PLCXD3: variants seen among roughly 807,000 people sequenced by gnomAD.
PLCXD3 encodes phosphatidylinositol specific phospholipase C X domain containing 3, also known as PI-PLC X domain-containing protein 3.
Under a neutral mutation model 25.5 loss-of-function variants are expected in PLCXD3, and 19 were observed. The observed-to-expected ratio is 0.75, with a 90% CI of 0.52 to 1.09. The LOEUF (loss-of-function observed/expected upper bound fraction) is 1.09, where lower values mean the gene tolerates loss of function less well. Among genes scored for constraint, PLCXD3 ranks in the 50% least tolerant of loss-of-function variants. The pLI, the probability that PLCXD3 is intolerant of heterozygous loss-of-function variation, is 0.00. For synonymous variants in PLCXD3, 174 were observed against 137.6 expected (o/e 1.26, Z -1.85); for missense variants, 411 against 388.1 (o/e 1.06, Z -0.50).
chr5:41,508,660 A>T (rs1342751984), intron 1 of PLCXD3, among the ~76,000 whole-genome samples: 1 of 152,266 alleles, frequency 6.6e-6, no homozygotes, highest in Non-Finnish European at 1.5e-5. Context: ...AAACAAACAT[A>T]GGCTTTTAAT....
chr5:41,484,245 GCACACA>G, intron 1 of PLCXD3, among the ~76,000 whole-genome samples: 1 of 124,502 alleles, frequency 8.0e-6, no homozygotes, highest in South Asian at 2.5e-4. Flanking sequence ...CCTGGAACAT[GCACACA>G]CACACACACA....
Position 41,407,638 on chromosome 5 carries a change from C to T in PLCXD3, c.104-25104G>A, listed in dbSNP as rs1190331243. 2.0e-5 allele frequency among the ~76,000 whole-genome samples: 3 copies of T among 152,182 alleles called. No homozygotes were observed. The South Asian group carries it at 6.2e-4, about 31-fold the overall frequency. Reference sequence around the variant, plus strand: ...TAAAGACAACACACAATATGTATCACAATCTACAAGACTTCTAGAATTGAA... The same window carrying T: ...TAAAGACAACACACAATATGTATCATAATCTACAAGACTTCTAGAATTGAA... On this transcript the variant is annotated intron_variant, in intron 1 of 2. Coordinates refer to ENST00000377801, the MANE Select transcript of PLCXD3 (RefSeq NM_001005473.3).
intron 1 of PLCXD3, among the ~76,000 whole-genome samples, chr5:41,457,809 G>A (rs1008337920): frequency 7.2e-5 from 11 of 151,902 alleles, no homozygotes; most frequent in African/African-American, 2.2e-4. Context: ...TGAGCACTGA[G>A]AAAATGCGGA....
chr5:41,449,481 G>A (rs537552609), intron 1 of PLCXD3, among the ~76,000 whole-genome samples: 7 of 152,250 alleles, frequency 4.6e-5, no homozygotes, highest in African/African-American at 1.4e-4. Context: ...TTCTCTCTGT[G>A]TGTAGCTTAA....
intron 1 of PLCXD3, among the ~76,000 whole-genome samples, chr5:41,480,847 T>C (rs1336668667): frequency 6.6e-6 from 1 of 151,608 alleles, no homozygotes; most frequent in East Asian, 1.9e-4. Context: ...GAGGTGGAGG[T>C]TGAAGTGAGC....
intron 1 of PLCXD3, among the ~76,000 whole-genome samples, chr5:41,403,408 T>TTGTTTG (rs1554047964): frequency 3.8e-5 from 1 of 26,230 alleles, no homozygotes; most frequent in Non-Finnish European, 9.4e-5. Flanking sequence ...GTTGTTTTTT[T>TTGTTTG]TTTTTTTTAT....
At chr5:41,407,730 G>A (rs572804562) in intron 1 of PLCXD3, among the ~76,000 whole-genome samples, 27 of 152,116 alleles carry the variant, frequency 1.8e-4, no homozygotes, top group Non-Finnish European at 3.2e-4. Context: ...TAAATGAATA[G>A]GAAATACATT....
intron 2 of PLCXD3, among the ~76,000 whole-genome samples, chr5:41,368,040 T>C (rs970739938): frequency 6.6e-6 from 1 of 152,172 alleles, no homozygotes; most frequent in Non-Finnish European, 1.5e-5. Flanking sequence ...AATCTATAAA[T>C]TGCTTTGGGC....
chr5:41,350,211 T>A (rs1744413979), intron 2 of PLCXD3, among the ~76,000 whole-genome samples: 1 of 152,202 alleles, frequency 6.6e-6, no homozygotes, highest in East Asian at 1.9e-4. Flanking sequence ...TTTCATTTTT[T>A]AAATTCCGTC....
intron 1 of PLCXD3, among the ~76,000 whole-genome samples, chr5:41,462,718 G>A (rs948636690): frequency 6.6e-6 from 1 of 151,886 alleles, no homozygotes; most frequent in Admixed American, 6.6e-5. Context: ...CTGGGGGGCA[G>A]AGGTTGCAGT....
intron 1 of PLCXD3, among the ~76,000 whole-genome samples, chr5:41,488,292 T>C (rs1748567656): frequency 7.2e-6 from 1 of 138,410 alleles, no homozygotes; most frequent in Non-Finnish European, 1.5e-5. Context: ...TATTCCATGG[T>C]GTATATGTGC....
intron 1 of PLCXD3, among the ~76,000 whole-genome samples, chr5:41,440,043 A>G (rs1334673711): frequency 6.6e-6 from 1 of 152,072 alleles, no homozygotes; most frequent in East Asian, 1.9e-4. Context: ...ATTCGCACAC[A>G]GGTGGAACAT....
chr5:41,413,094 C>A (rs1051927238), intron 1 of PLCXD3, among the ~76,000 whole-genome samples: 1 of 152,172 alleles, frequency 6.6e-6, no homozygotes, highest in Non-Finnish European at 1.5e-5. Flanking sequence ...ATTACACTTA[C>A]TAGAATTATA....
chr5:41,391,435 T>C (rs1238723684), intron 1 of PLCXD3, among the ~76,000 whole-genome samples: 1 of 152,092 alleles, frequency 6.6e-6, no homozygotes, highest in African/African-American at 2.4e-5. Context: ...AGCTCCCAGA[T>C]GACATTTCTA....
intron 1 of PLCXD3, among the ~76,000 whole-genome samples, chr5:41,481,125 AAAG>A (rs1748405252): frequency 2.0e-5 from 3 of 150,050 alleles, no homozygotes; most frequent in Non-Finnish European, 3.0e-5. Flanking sequence ...AAAAAAAAAA[AAAG>A]AAAGGAAGGG....
At chr5:41,389,794 T>C (rs1745753306) in intron 1 of PLCXD3, among the ~76,000 whole-genome samples, 1 of 152,214 alleles carries the variant, frequency 6.6e-6, no homozygotes, top group South Asian at 2.1e-4. Context: ...TTTTATATGG[T>C]AACTTTCAGT....
At chr5:41,477,681 A>T (rs555432545) in intron 1 of PLCXD3, among the ~76,000 whole-genome samples, 75 of 145,530 alleles carry the variant, frequency 5.2e-4, no homozygotes, top group East Asian at 2.5e-3. Flanking sequence ...AAAAAAAATT[A>T]AAAAAAAAAC....
chr5:41,345,318 A>T (rs1249807430), intron 2 of PLCXD3, among the ~76,000 whole-genome samples: 1 of 152,236 alleles, frequency 6.6e-6, no homozygotes, highest in Non-Finnish European at 1.5e-5. Flanking sequence ...GAAACAAATC[A>T]TGAGAGAGGG....
At chr5:41,414,247 T>C (rs1482819132) in intron 1 of PLCXD3, among the ~76,000 whole-genome samples, 2 of 152,044 alleles carry the variant, frequency 1.3e-5, no homozygotes, top group Non-Finnish European at 2.9e-5. Context: ...TATTATTATT[T>C]TTTTGAGATG....
Sources: allele counts gnomAD v4.1 joint callset (sites outside exome capture counted in the v4.1 genomes callset), GRCh38; gene constraint gnomAD v4.1.1; transcripts MANE v1.5; gene names NCBI Gene and HGNC (gene_info 2026-07-23, HGNC 2026-07-21).